Variants in GRID2 observed in about 807,000 individuals in gnomAD.
The protein encoded by GRID2 is glutamate ionotropic receptor delta type subunit 2.
GRID2 carries 33 observed loss-of-function variants against 114.8 expected under a neutral mutation model. That is an observed-to-expected ratio of 0.29 (90% CI 0.22 to 0.38). The LOEUF (loss-of-function observed/expected upper bound fraction) is 0.38, where lower values mean the gene tolerates loss of function less well. GRID2 is among the 10% of genes least tolerant of loss of function. The pLI is 1.00. For missense variants in GRID2, 1,184 were observed against 1,257.7 expected, an observed-to-expected ratio of 0.94 and a Z score of 0.89; for synonymous variants, 505 against 449.9, an observed-to-expected ratio of 1.12 and a Z score of -1.55.
chr4:93,244,742 A>AAGG (rs1359768942), intron 8 of GRID2, among the ~76,000 whole-genome samples: 1 of 151,154 alleles, frequency 6.6e-6, no homozygotes, highest in Non-Finnish European at 1.5e-5. Flanking sequence ...TTGTACTTAT[A>AAGG]AGGAGGAGAG....
chr4:93,284,487 A>T (rs1752949038), intron 8 of GRID2, among the ~76,000 whole-genome samples: 1 of 151,970 alleles, frequency 6.6e-6, no homozygotes, highest in Non-Finnish European at 1.5e-5. Flanking sequence ...AAACCTGCAC[A>T]TGTACCCCTG....
At chr4:93,758,456 C>CCG (rs1732944006) in intron 14 of GRID2, among the ~76,000 whole-genome samples, 1 of 152,138 alleles carries the variant, frequency 6.6e-6, no homozygotes, top group African/African-American at 2.4e-5. Context: ...GCTATTAAAG[C>CCG]CTACTAGAGT....
intron 1 of GRID2, among the ~76,000 whole-genome samples, chr4:93,798,137 G>A (rs1242774628): frequency 6.6e-6 from 1 of 151,922 alleles, no homozygotes; most frequent in African/African-American, 2.4e-5. Context: ...TGGGCGACAG[G>A]AGTGAAATTC....
intron 14 of GRID2, among the ~76,000 whole-genome samples, chr4:93,678,787 T>C (rs1041923343): frequency 8.0e-5 from 12 of 150,558 alleles, no homozygotes; most frequent in African/African-American, 2.7e-4. Flanking sequence ...GCACTAAACA[T>C]GGAAAGGAAC....
In GRID2 at chr4:92,663,837, T is replaced by C. The variant is rs540399201; in HGVS notation, c.244+73551T>C. Among the ~76,000 whole-genome samples the C allele has an allele frequency of 2.6e-5, 4 of 151,258 alleles. No homozygotes were observed. The East Asian group carries it at 7.8e-4, about 29-fold the overall frequency. On this transcript the variant is annotated intron_variant, in intron 2 of 15. Coordinates refer to ENST00000282020, the MANE Select transcript of GRID2 (RefSeq NM_001510.4). ...GCACCTGGCAACTGGCATTCTCCTT[T>C]CTGACATTATAATTTTGGCTACGCT...
chr4:92,774,523 CAGGAATGA>C (rs1235967951), intron 2 of GRID2, among the ~76,000 whole-genome samples: 1 of 149,258 alleles, frequency 6.7e-6, no homozygotes, highest in Admixed American at 6.7e-5. Flanking sequence ...TTAGATTAAA[CAGGAATGA>C]AGGAATGAAT....
intron 14 of GRID2, among the ~76,000 whole-genome samples, chr4:93,685,050 G>A (rs1304584635): frequency 6.6e-6 from 1 of 151,900 alleles, no homozygotes; most frequent in African/African-American, 2.4e-5. Context: ...TTTGCAAACA[G>A]AATAACAAAT....
At chr4:92,342,973 T>G (rs1221305615) in intron 1 of GRID2, among the ~76,000 whole-genome samples, 1 of 152,184 alleles carries the variant, frequency 6.6e-6, no homozygotes, top group Non-Finnish European at 1.5e-5. Context: ...AGGCATTCAG[T>G]GAATATATTT....
At chr4:92,884,334 T>A (rs1746221659) in intron 2 of GRID2, among the ~76,000 whole-genome samples, 1 of 152,224 alleles carries the variant, frequency 6.6e-6, no homozygotes, top group Non-Finnish European at 1.5e-5. Context: ...TTTGATCTTC[T>A]ATCCAGATCA....
chr4:93,081,151 T>C (rs558208306), intron 2 of GRID2, among the ~76,000 whole-genome samples: 1 of 152,232 alleles, frequency 6.6e-6, no homozygotes, highest in East Asian at 1.9e-4. Flanking sequence ...GCTAAAGTCC[T>C]GATGTGTCTT....
At chr4:93,621,102 A>G (rs758477198) in intron 13 of GRID2, among the ~76,000 whole-genome samples, 2 of 152,106 alleles carry the variant, frequency 1.3e-5, no homozygotes, top group African/African-American at 4.8e-5. Context: ...AGGATTTTAG[A>G]GTTAATGTGT....
At chr4:92,693,979 G>A (rs1256515259) in intron 2 of GRID2, among the ~76,000 whole-genome samples, 1 of 152,162 alleles carries the variant, frequency 6.6e-6, no homozygotes, top group Non-Finnish European at 1.5e-5. Flanking sequence ...GGAGAGGTAA[G>A]GCCTTTGAAG....
At chr4:92,674,350 A>G (rs534175624) in intron 2 of GRID2, among the ~76,000 whole-genome samples, 4 of 151,962 alleles carry the variant, frequency 2.6e-5, no homozygotes, top group Non-Finnish European at 5.9e-5. Context: ...CTTCAGTTCA[A>G]TAGATTGGTC....
At chr4:93,255,326 T>C (rs1175372514) in intron 8 of GRID2, among the ~76,000 whole-genome samples, 1 of 152,152 alleles carries the variant, frequency 6.6e-6, no homozygotes, top group Non-Finnish European at 1.5e-5. Context: ...AAACCTTTAG[T>C]TTGTTAAAAG....
chr4:92,595,864 A>G (rs1347489008), intron 2 of GRID2, among the ~76,000 whole-genome samples: 4 of 152,148 alleles, frequency 2.6e-5, no homozygotes, highest in African/African-American at 9.7e-5. Context: ...CATTGATTAA[A>G]TCTAAATAGT....
chr4:92,542,854 T>C (rs1726048184), intron 1 of GRID2, among the ~76,000 whole-genome samples: 2 of 152,122 alleles, frequency 1.3e-5, no homozygotes, highest in South Asian at 2.1e-4. Flanking sequence ...AAGGTAATAA[T>C]TGATTATAGT....
At chr4:92,457,944 C>T in intron 1 of GRID2, among the ~76,000 whole-genome samples, 1 of 152,020 alleles carries the variant, frequency 6.6e-6, no homozygotes. Context: ...AATTTTTTTG[C>T]AAATAATTTC....
rs1341966447 is a variant in GRID2, at chr4:93,488,042, G to T, written c.1859-2597G>T. ...AAAAACTCAAGTATGCTTTTATGTG[G>T]GTGATAACAACTCTAATCAAGGCTA... is the stretch of plus-strand genomic sequence containing the variant. On this transcript the variant is annotated intron_variant, in intron 11 of 15. Transcript: ENST00000282020. Among the ~76,000 whole-genome samples, 3 of 151,782 alleles carry T rather than the reference G, an allele frequency of 2.0e-5. No homozygotes were observed. In the East Asian group the frequency reaches 5.8e-4, roughly 29 times the overall value.
rs534831635 is a variant in GRID2 at position 93,677,965 on chromosome 4, C to T, written c.2360+51530C>T. Among the ~76,000 whole-genome samples the T allele has an allele frequency of 1.1e-4, 17 of 150,622 alleles. No homozygotes were observed. In the East Asian group the frequency reaches 1.2e-3, roughly 10 times the overall value. On this transcript the variant is annotated intron_variant, in intron 14 of 15. Transcript: ENST00000282020. ...TGACGAGTTGAGAGAAGGCTTCAGA[C>T]GATCAAACTACTCCGAGCTACAGGA...
Sources: gnomAD v4.1 joint callset for allele counts (sites outside exome capture counted in the v4.1 genomes callset) on GRCh38, gnomAD v4.1.1 for gene constraint, MANE v1.5 for transcripts, NCBI Gene and HGNC (gene_info 2026-07-23, HGNC 2026-07-21) for gene names.